Variants in SDK2 observed in about 807,000 individuals in gnomAD.
SDK2 encodes the protein protein sidekick-2.
In SDK2, 105 loss-of-function variants were observed where a neutral mutation model predicts 253.9. The observed-to-expected ratio is 0.41, with a 90% confidence interval of 0.35 to 0.49. The LOEUF is 0.49. Ranked by LOEUF, SDK2 falls within the 20% of genes least tolerant of loss-of-function variation. The pLI, the probability that SDK2 is intolerant of heterozygous loss-of-function variation, is 0.06. For missense variants in SDK2, 2,608 were observed against 3,003.0 expected (o/e 0.87, Z 3.07); for synonymous variants, 1,249 against 1,234.9 (o/e 1.01, Z -0.24).
chr17:73,493,823 G>A (rs2063823691), intron 2 of SDK2, among the ~76,000 whole-genome samples: 1 of 152,234 alleles, frequency 6.6e-6, no homozygotes. Context: ...CACACAGGGT[G>A]CTTTTGAGAG....
chr17:73,578,797 C>A (rs1448483751), intron 1 of SDK2, among the ~76,000 whole-genome samples: 5 of 152,152 alleles, frequency 3.3e-5, no homozygotes. Context: ...TTCGCGCCAG[C>A]CCAACCTGAG....
intron 40 of SDK2, among the ~76,000 whole-genome samples, chr17:73,355,159 C>T (rs1301550701): frequency 5.1e-4 from 25 of 48,602 alleles, no homozygotes; most frequent in Non-Finnish European, 7.2e-4. Flanking sequence ...CCTACACCTC[C>T]ATATATATAT....
At chr17:73,461,787 G>A (rs1413656770) in intron 3 of SDK2, among the ~76,000 whole-genome samples, 1 of 152,162 alleles carries the variant, frequency 6.6e-6, no homozygotes, top group African/African-American at 2.4e-5. Context: ...GCTGTTGTAT[G>A]TATATATGCT....
At chr17:73,542,822 A>G (rs929840003) in intron 1 of SDK2, among the ~76,000 whole-genome samples, 1 of 152,140 alleles carries the variant, frequency 6.6e-6, no homozygotes, top group South Asian at 2.1e-4. Flanking sequence ...CAAAATATCA[A>G]ATATAAAATT....
chr17:73,380,967 C>CGGGGTTTGGTT lies in SDK2; in HGVS notation c.4706-18_4706-17insAACCAAACCCC. On this transcript the variant is annotated splice_polypyrimidine_tract_variant and intron_variant, in intron 33 of 44. Coordinates refer to ENST00000392650, the MANE Select transcript of SDK2 (RefSeq NM_001144952.2). The stretch of plus-strand genomic sequence containing the variant: ...AGTACATGGCTATGGGGTGGGGGTG[C>CGGGGTTTGGTT]CGGGGCGGGGGCGCAGAGGGAGACA... 1 of 985,114 alleles carries CGGGGTTTGGTT rather than the reference C, an allele frequency of 1.0e-6. No homozygotes were observed. The allele number at this position is 985,114 out of a possible 1,614,324, so 61.0% of individuals were successfully genotyped here.
intron 44 of SDK2, among the ~76,000 whole-genome samples, chr17:73,348,157 C>G (rs1157942338): frequency 6.6e-6 from 1 of 152,200 alleles, no homozygotes; most frequent in African/African-American, 2.4e-5. Flanking sequence ...TCCAGGGCAC[C>G]CAGCCCTTTG....
chr17:73,553,291 T>G (rs532185586), intron 1 of SDK2, among the ~76,000 whole-genome samples: 1 of 152,282 alleles, frequency 6.6e-6, no homozygotes, highest in African/African-American at 2.4e-5. Flanking sequence ...AAATTGATAT[T>G]GATAGACCAT....
intron 1 of SDK2, among the ~76,000 whole-genome samples, chr17:73,527,806 G>A (rs1027189239): frequency 2.6e-5 from 4 of 152,278 alleles, no homozygotes; most frequent in African/African-American, 7.2e-5. Context: ...GGTGGACTTC[G>A]TTTTCTTTTC....
intron 38 of SDK2, 36 bp downstream of exon 38, chr17:73,365,222 G>T (rs549496670): frequency 1.3e-5 from 20 of 1,508,518 alleles, no homozygotes; most frequent in Middle Eastern, 2.0e-4. Flanking sequence ...TTTGCAAAGT[G>T]GGGGGCTGGG....
chr17:73,405,513 T>TAAATAA lies in SDK2; in HGVS notation c.2485-3373_2485-3372insTTATTT, dbSNP rs796224163. Among the ~76,000 whole-genome samples the TAAATAA allele has an allele frequency of 9.1e-5, 2 of 22,040 alleles. 1 individual carries two copies. Among genetic ancestry groups the TAAATAA allele is most frequent in the African/African-American group, 4.0e-4 (2 of 4,948 alleles). The allele number at this position is 22,040 out of a possible 152,430, so 14.5% of individuals were successfully genotyped here. A position where few individuals can be genotyped will look rare whatever the true frequency, so the allele number is the denominator to read the frequency against. On this transcript the variant is annotated intron_variant, in intron 18 of 44. Transcript: ENST00000392650. ...ATATATATATATATATATATATATA[T>TAAATAA]ATATAAAGATCGAGAATGTGGAAAG... is the stretch of plus-strand genomic sequence containing the variant.
intron 40 of SDK2, among the ~76,000 whole-genome samples, chr17:73,355,674 CTCTT>C (rs1341666253): frequency 2.0e-5 from 3 of 152,150 alleles, no homozygotes; most frequent in African/African-American, 7.2e-5. Context: ...CTCTCTTTCT[CTCTT>C]TCCCCTTTGC....
chr17:73,454,171 G>C (rs1199829384), intron 4 of SDK2, among the ~76,000 whole-genome samples: 2 of 152,190 alleles, frequency 1.3e-5, no homozygotes, highest in Non-Finnish European at 2.9e-5. Flanking sequence ...CAATGAAACA[G>C]CCAAATGACA....
At chr17:73,578,664 C>T (rs2045491076) in intron 1 of SDK2, among the ~76,000 whole-genome samples, 1 of 152,126 alleles carries the variant, frequency 6.6e-6, no homozygotes, top group African/African-American at 2.4e-5. Context: ...GAGCCCTTGG[C>T]ACAGAGGACA....
rs936349107 is a variant in SDK2, at chr17:73,616,749, A to G, written c.64+27276T>C. Among the ~76,000 whole-genome samples the G allele has an allele frequency of 6.6e-6, 1 of 152,154 alleles. No homozygotes were observed. The highest frequency in any genetic ancestry group is 2.4e-5 in the African/African-American group (1 of 41,426). On this transcript the variant is annotated intron_variant, in intron 1 of 44. Transcript: ENST00000392650. This position sits in a 1 kb window ranked among gnomAD's most constrained non-coding sequence, Gnocchi z 5.2. ...CCCAGCCCTTAGAGAGGTGCCTGAG[A>G]GGTGAGGGAGGTGCTCTCAGAGCTG...
In SDK2 at chr17:73,350,719, T is replaced by G; in HGVS notation, c.5830A>C (p.Ile1944Leu). The G allele has an allele frequency of 1.2e-6, 2 of 1,613,714 alleles. No individual in the cohort carries two copies. Among genetic ancestry groups the G allele is most frequent in the African/African-American group, 1.3e-5 (1 of 74,988 alleles). Residue 1944 changes from isoleucine (I) to leucine (L), a missense_variant, in exon 42 of 45, where the codon ATC becomes CTC. Physicochemically the swap from Ile to Leu is conservative, Grantham distance 5. This residue lies in a region of SDK2 where 1,103 missense variants were observed against 1,143.9 expected (regional missense o/e 0.96). Coordinates refer to ENST00000392650, the MANE Select transcript of SDK2 (RefSeq NM_001144952.2). ...VVIALVGLIF[I>L]LLLVFVLIIR... ...ATGAGCACGAAGACCAGAAGCAGGATGAAGATGAGGCCGACCAGGGCAATG... is the reference window on the plus strand; with the variant it reads ...ATGAGCACGAAGACCAGAAGCAGGAGGAAGATGAGGCCGACCAGGGCAATG...
intron 1 of SDK2, among the ~76,000 whole-genome samples, chr17:73,514,995 T>C (rs1394218932): frequency 6.6e-6 from 1 of 152,108 alleles, no homozygotes; most frequent in African/African-American, 2.4e-5. Flanking sequence ...AAACCTCACT[T>C]CTCTCCAAAC....
At position 73,338,978 on chromosome 17, in the gene SDK2, G is replaced by A. The variant is rs370751104; in HGVS notation, c.6166-38C>T. ...AGAATCAGGGTGTGTCAGTGGCCCC[G>A]TAGGGACAGGCCATTGTGGTTGGGG... On this transcript the variant is annotated intron_variant, in intron 44 of 44. Coordinates refer to ENST00000392650, the MANE Select transcript of SDK2 (RefSeq NM_001144952.2). The surrounding 1 kb of genome is among the most constrained non-coding windows in gnomAD (Gnocchi z 5.0). 40 of 1,568,824 alleles carry A rather than the reference G, an allele frequency of 2.5e-5. No homozygotes were observed. The highest frequency in any genetic ancestry group is 3.3e-5 in the South Asian group (3 of 90,020).
At position 73,358,115 on chromosome 17, in the gene SDK2, G is replaced by A. The variant is rs1472677698; in HGVS notation, c.5557C>T (p.Pro1853Ser). 5 of 1,613,396 alleles carry A rather than the reference G, an allele frequency of 3.1e-6. No homozygotes were observed. Among genetic ancestry groups the A allele is most frequent in the Admixed American group, 1.7e-5 (1 of 59,948 alleles). The change falls in exon 40 of 45, where the codon CCC becomes TCC. Residue 1853 changes from proline (P) to serine (S), a missense_variant. Physicochemically the swap from Pro to Ser is moderately conservative, Grantham distance 74 (BLOSUM62 -1). Around this residue, in one of 2 missense-constraint regions of SDK2, gnomAD observed 1,103 missense variants for 1,143.9 expected, o/e 0.96. Transcript: ENST00000392650. ...HWSSGDPGKG[P>S]ITRYVIEARP... ...GCCTCGATGACGTAGCGGGTGATGGGCCCTTTGCCCGGGTCTCCGCTGGAC... is the reference window on the plus strand; with the variant it reads ...GCCTCGATGACGTAGCGGGTGATGGACCCTTTGCCCGGGTCTCCGCTGGAC...
At position 73,352,787 on chromosome 17, in the gene SDK2, G is replaced by A; in HGVS notation, c.5594-150C>T. 1.2e-6 allele frequency: 1 copy of A among 837,204 alleles called. No homozygotes were observed. Among genetic ancestry groups the A allele is most frequent in the Non-Finnish European group, 1.8e-6 (1 of 546,144 alleles). 51.9% of individuals were successfully genotyped at this position (837,204 alleles called of 1,614,324 possible). A position where few individuals can be genotyped will look rare whatever the true frequency, so the allele number is the denominator to read the frequency against. On this transcript the variant is annotated intron_variant, in intron 40 of 44. Coordinates refer to ENST00000392650, the MANE Select transcript of SDK2 (RefSeq NM_001144952.2). The surrounding 1 kb of genome is among the most constrained non-coding windows in gnomAD (Gnocchi z 4.1). ...TCGCAGGCCTTGGTCCTCCCTTGAA[G>A]TTTCTTAAAAAGACAACTTTCGGGC...
Sources: gnomAD v4.1 joint callset for allele counts (sites outside exome capture counted in the v4.1 genomes callset) on GRCh38, gnomAD v4.1.1 for gene constraint, gnomAD v4.1.1 regional missense constraint, Gnocchi (gnomAD v3.1) non-coding constraint, MANE v1.5 for transcripts, NCBI Gene and HGNC (gene_info 2026-07-23, HGNC 2026-07-21) for gene names.